The following SH3GL3 variants were observed in gnomAD, a reference collection of about 807,000 sequenced individuals.
SH3GL3 encodes the protein SH3 domain containing GRB2 like 3, endophilin A3.
Under a neutral mutation model 47.7 loss-of-function variants are expected in SH3GL3, and 33 were observed. That is an observed-to-expected ratio of 0.69 (90% CI 0.52 to 0.92). The LOEUF is 0.92. SH3GL3 is among the 40% of genes least tolerant of loss of function. The pLI is 0.00. For missense variants in SH3GL3, 363 were observed against 417.8 expected (o/e 0.87, Z 1.14); for synonymous variants, 155 against 148.8 (o/e 1.04, Z -0.30).
chr15:83,515,305 G>A (rs911418908), intron 1 of SH3GL3, among the ~76,000 whole-genome samples: 6 of 152,110 alleles, frequency 3.9e-5, no homozygotes, highest in Admixed American at 2.0e-4. Context: ...TCAAATCAGC[G>A]GTGTTCACAC....
At chr15:83,598,688 T>G (rs2060298035) in intron 8 of SH3GL3, among the ~76,000 whole-genome samples, 2 of 152,150 alleles carry the variant, frequency 1.3e-5, no homozygotes, top group African/African-American at 4.8e-5. Context: ...GAAAATATTC[T>G]TTTTTTCAAT....
At chr15:83,547,973 T>C (rs2044486493) in intron 1 of SH3GL3, among the ~76,000 whole-genome samples, 1 of 151,934 alleles carries the variant, frequency 6.6e-6, no homozygotes, top group Non-Finnish European at 1.5e-5. Flanking sequence ...TAAAGAATTA[T>C]TCCATTTTAC....
chr15:83,459,038 AG>A (rs1198490892), intron 1 of SH3GL3, among the ~76,000 whole-genome samples: 2 of 152,224 alleles, frequency 1.3e-5, no homozygotes, highest in Non-Finnish European at 2.9e-5. Flanking sequence ...TCTGGGCCGA[AG>A]GCCCGAGAGC....
chr15:83,516,149 C>T (rs914491795), intron 1 of SH3GL3, among the ~76,000 whole-genome samples: 10 of 152,058 alleles, frequency 6.6e-5, no homozygotes, highest in African/African-American at 2.4e-4. Context: ...TGGCAAGGCT[C>T]AATTTCATGA....
At chr15:83,522,308 T>C (rs1281027719) in intron 1 of SH3GL3, among the ~76,000 whole-genome samples, 1 of 152,182 alleles carries the variant, frequency 6.6e-6, no homozygotes, top group Non-Finnish European at 1.5e-5. Flanking sequence ...AGCAGATTAT[T>C]TGCTTGAAAC....
At chr15:83,491,021 G>T (rs749049172) in intron 1 of SH3GL3, 172 of 1,521,080 alleles carry the variant, frequency 1.1e-4, no homozygotes, top group Middle Eastern at 3.5e-4. Flanking sequence ...GTGAAAAGTG[G>T]GAAGCCTTGT....
chr15:83,460,470 C>T (rs575597639), intron 1 of SH3GL3, among the ~76,000 whole-genome samples: 31 of 152,142 alleles, frequency 2.0e-4, no homozygotes, highest in South Asian at 8.3e-4. Context: ...TCATCAGGTT[C>T]GACTTACAGT....
downstream of SH3GL3, among the ~76,000 whole-genome samples, chr15:83,619,417 G>A (rs1360131213): frequency 1.3e-5 from 2 of 152,158 alleles, no homozygotes; most frequent in Admixed American, 1.3e-4. Context: ...GCCTGTTGCT[G>A]GGGGAGGGGA....
intron 1 of SH3GL3, among the ~76,000 whole-genome samples, chr15:83,499,209 C>T (rs866304014): frequency 2.0e-5 from 3 of 151,812 alleles, no homozygotes; most frequent in Non-Finnish European, 4.4e-5. Flanking sequence ...ATGTCTAAGG[C>T]CTGGAAAAGG....
intron 8 of SH3GL3, among the ~76,000 whole-genome samples, chr15:83,602,634 G>C (rs1240826305): frequency 6.6e-6 from 1 of 151,974 alleles, no homozygotes; most frequent in African/African-American, 2.4e-5. Context: ...ATGAGTTTTG[G>C]GGGAACACAC....
intron 1 of SH3GL3, among the ~76,000 whole-genome samples, chr15:83,533,272 A>G (rs767451014): frequency 1.4e-4 from 21 of 152,188 alleles, no homozygotes; most frequent in Non-Finnish European, 2.6e-4. Context: ...GCTTGAGTAC[A>G]TGTAAATGTT....
chr15:83,515,528 G>T (rs114815443), intron 1 of SH3GL3, among the ~76,000 whole-genome samples: 29 of 152,176 alleles, frequency 1.9e-4, no homozygotes, highest in South Asian at 1.5e-3. Context: ...ATGCAGGTGG[G>T]GGGGGAGGGG....
intron 6 of SH3GL3, among the ~76,000 whole-genome samples, chr15:83,583,886 G>A (rs948752311): frequency 1.3e-5 from 2 of 152,190 alleles, no homozygotes; most frequent in South Asian, 2.1e-4. Flanking sequence ...GTTCTTATGC[G>A]TCTCCAGGCA....
At chr15:83,496,595 C>T (rs572221243) in intron 1 of SH3GL3, among the ~76,000 whole-genome samples, 18 of 152,152 alleles carry the variant, frequency 1.2e-4, no homozygotes, top group South Asian at 1.0e-3. Flanking sequence ...ACTCTTGTCA[C>T]GCTGAAGGGT....
chr15:83,597,059 G>T (rs1167775210), intron 8 of SH3GL3, among the ~76,000 whole-genome samples: 1 of 152,134 alleles, frequency 6.6e-6, no homozygotes, highest in East Asian at 1.9e-4. Flanking sequence ...CAAACTGTGT[G>T]GTCTAAAATA....
rs181410798 is a variant in SH3GL3 at position 83,514,077 on chromosome 15, T to C, written c.46-45176T>C. On this transcript the variant is annotated intron_variant, in intron 1 of 8. Coordinates refer to ENST00000427482, the MANE Select transcript of SH3GL3 (RefSeq NM_003027.5). ...GTAGTGGATGGGTAGAGATTGTGTA[T>C]TATAAGTACTTGCTCATCAGTGGCT... 1.2e-3 allele frequency among the ~76,000 whole-genome samples: 176 copies of C among 152,326 alleles called. 1 individual carries two copies. Among genetic ancestry groups the C allele is most frequent in the African/African-American group, 3.9e-3 (164 of 41,570 alleles).
chr15:83,525,919 C>T (rs1321326727), intron 1 of SH3GL3, among the ~76,000 whole-genome samples: 2 of 152,096 alleles, frequency 1.3e-5, no homozygotes, highest in Admixed American at 1.3e-4. Flanking sequence ...GCTTTGATTA[C>T]TATAGTTCTG....
intron 6 of SH3GL3, among the ~76,000 whole-genome samples, chr15:83,578,771 C>T (rs934564536): frequency 1.3e-5 from 2 of 151,656 alleles, no homozygotes; most frequent in Non-Finnish European, 2.9e-5. Context: ...CAAGCAACAG[C>T]GATTTTGTTT....
At chr15:83,514,395 GGAGA>G (rs147429222) in intron 1 of SH3GL3, among the ~76,000 whole-genome samples, 1 of 151,096 alleles carries the variant, frequency 6.6e-6, no homozygotes, top group African/African-American at 2.4e-5. Flanking sequence ...TTTAGTGGAG[GGAGA>G]GAGAGAGAGA....
Sources: gnomAD v4.1 joint callset for allele counts (sites outside exome capture counted in the v4.1 genomes callset) on GRCh38, gnomAD v4.1.1 for gene constraint, MANE v1.5 for transcripts, NCBI Gene and HGNC (gene_info 2026-07-23, HGNC 2026-07-21) for gene names.